The following NRXN1 variants were observed in gnomAD, a reference collection of about 807,000 sequenced individuals.
NRXN1 encodes neurexin-1.
A neutral mutation model predicts 150.9 loss-of-function variants in NRXN1; 39 were observed. The observed-to-expected ratio is 0.26, with a 90% CI of 0.20 to 0.34. The LOEUF (loss-of-function observed/expected upper bound fraction) is 0.34, where lower values mean the gene tolerates loss of function less well. Ranked by LOEUF, NRXN1 falls within the 10% of genes least tolerant of loss-of-function variation. The probability of loss-of-function intolerance (pLI) is 1.00; values close to 1 mark genes in which losing one functional copy is unlikely to be tolerated. For synonymous variants in NRXN1, 924 were observed against 757.0 expected (o/e 1.22, Z -3.62); for missense variants, 1,815 against 1,949.9 (o/e 0.93, Z 1.30).
At chr2:50,192,953 T>C (rs938552001) in intron 18 of NRXN1, among the ~76,000 whole-genome samples, 1 of 152,140 alleles carries the variant, frequency 6.6e-6, no homozygotes, top group Non-Finnish European at 1.5e-5. Context: ...AAATACATAT[T>C]TTTAAAGGGG....
rs186818379 is a variant in NRXN1 at position 50,297,266 on chromosome 2, T to C, written c.3365-60296A>G. ...ATATTTTTATTCAGTCACCTATTGA[T>C]GGACACTTAGGTTGATTATGTGGTT... is the stretch of plus-strand genomic sequence containing the variant. On this transcript the variant is annotated intron_variant, in intron 17 of 22. Coordinates refer to ENST00000401669, the MANE Select transcript of NRXN1 (RefSeq NM_001330078.2). 2.8e-4 allele frequency among the ~76,000 whole-genome samples: 42 copies of C among 152,294 alleles called. No homozygotes were observed. The South Asian group carries it at 2.9e-3, about 11-fold the overall frequency.
At chr2:49,991,326 A>G (rs1373208635) in intron 21 of NRXN1, among the ~76,000 whole-genome samples, 2 of 152,182 alleles carry the variant, frequency 1.3e-5, no homozygotes, top group African/African-American at 4.8e-5. Context: ...TGTATGCAGA[A>G]CATCTGAAAG....
At chr2:50,979,229 G>T (rs181784505) in intron 2 of NRXN1, 250 of 516,046 alleles carry the variant, frequency 4.8e-4, no homozygotes, top group African/African-American at 3.9e-3. Flanking sequence ...TATGAGAAAA[G>T]ACTAAGATTC....
intron 17 of NRXN1, among the ~76,000 whole-genome samples, chr2:50,286,517 AATATTC>A (rs1450940566): frequency 1.3e-5 from 2 of 152,172 alleles, no homozygotes; most frequent in Non-Finnish European, 2.9e-5. Flanking sequence ...CTTTTTAAAA[AATATTC>A]ATTCATCCAT....
At chr2:50,355,238 A>G (rs1465304471) in intron 17 of NRXN1, among the ~76,000 whole-genome samples, 1 of 147,520 alleles carries the variant, frequency 6.8e-6, no homozygotes, top group African/African-American at 2.5e-5. Flanking sequence ...TTCAGGATAT[A>G]TAAATTATAT....
At chr2:50,487,523 A>G (rs2104834569) in intron 15 of NRXN1, among the ~76,000 whole-genome samples, 1 of 152,340 alleles carries the variant, frequency 6.6e-6, no homozygotes, top group African/African-American at 2.4e-5. Context: ...TTAAAAATGC[A>G]CTTTCCTGTG....
At chr2:50,361,083 G>A (rs1051859595) in intron 17 of NRXN1, among the ~76,000 whole-genome samples, 9 of 152,084 alleles carry the variant, frequency 5.9e-5, no homozygotes, top group African/African-American at 1.4e-4. Context: ...AAGACACAGC[G>A]TACCAGCATC....
chr2:50,349,485 T>C (rs1461071522), intron 17 of NRXN1, among the ~76,000 whole-genome samples: 2 of 152,222 alleles, frequency 1.3e-5, no homozygotes, highest in Non-Finnish European at 2.9e-5. Flanking sequence ...TGCAGGTCCA[T>C]ATTCTGAATT....
intron 8 of NRXN1, among the ~76,000 whole-genome samples, chr2:50,596,698 G>A (rs926377882): frequency 2.0e-5 from 3 of 152,032 alleles, no homozygotes; most frequent in East Asian, 1.9e-4. Context: ...AGGTTTGCCC[G>A]TTCTCCCTTG....
chr2:49,931,915 G>A (rs1185203327), intron 22 of NRXN1, among the ~76,000 whole-genome samples: 1 of 151,938 alleles, frequency 6.6e-6, no homozygotes, highest in African/African-American at 2.4e-5. Context: ...TTTATATATA[G>A]ATAATTGAAT....
At chr2:49,962,046 T>C (rs569627820) in intron 21 of NRXN1, among the ~76,000 whole-genome samples, 12 of 151,910 alleles carry the variant, frequency 7.9e-5, no homozygotes, top group Non-Finnish European at 1.8e-4. Context: ...CTGGGCAACA[T>C]AGTGAGACCC....
At chr2:50,624,327 G>C (rs1417518458) in intron 5 of NRXN1, among the ~76,000 whole-genome samples, 1 of 152,106 alleles carries the variant, frequency 6.6e-6, no homozygotes, top group African/African-American at 2.4e-5. Context: ...ATCAGAGAAA[G>C]TAGTTCTGTG....
chr2:50,135,710 A>G (rs1279463500), intron 18 of NRXN1, among the ~76,000 whole-genome samples: 1 of 151,788 alleles, frequency 6.6e-6, no homozygotes. Context: ...AAAACGAAAA[A>G]CAAAACAAAA....
rs957503079 is a variant in NRXN1 at position 51,026,507 on chromosome 2, T to C, written c.772+995A>G. ...AAAGAGAACTTAGGTATGACTTTTG[T>C]AGTTTAATGCCACACTGTTTTAAGC... On this transcript the variant is annotated intron_variant, in intron 2 of 22. Coordinates refer to ENST00000401669, the MANE Select transcript of NRXN1 (RefSeq NM_001330078.2). 5 of 1,359,504 alleles carry C rather than the reference T, an allele frequency of 3.7e-6. No homozygotes were observed. In the African/African-American group the frequency reaches 5.7e-5, roughly 16 times the overall value. 84.2% of individuals were successfully genotyped at this position (1,359,504 alleles called of 1,614,324 possible).
At chr2:50,654,421 G>A (rs1358631849) in intron 5 of NRXN1, among the ~76,000 whole-genome samples, 1 of 151,760 alleles carries the variant, frequency 6.6e-6, no homozygotes, top group East Asian at 2.0e-4. Context: ...TCTTAATCTA[G>A]TCTATCATTG....
Position 49,972,845 on chromosome 2 carries a change from T to C in NRXN1, c.4129-29054A>G, listed in dbSNP as rs2152497488. On this transcript the variant is annotated intron_variant, in intron 21 of 22. Coordinates refer to ENST00000401669, the MANE Select transcript of NRXN1 (RefSeq NM_001330078.2). ...AAGAGAGGCCAGGCTTCCTTCACTA[T>C]TAAGCACACTCTTCCCTAAGGGCAC... 3 of 152,280 alleles carry C rather than the reference T, an allele frequency of 2.0e-5. No homozygotes were observed. The Middle Eastern group carries it at 0.01, about 514-fold the overall frequency. The allele number at this position is 152,280 out of a possible 1,614,324, so 9.4% of individuals were successfully genotyped here. A position where few individuals can be genotyped will look rare whatever the true frequency, so the allele number is the denominator to read the frequency against.
At chr2:51,006,703 G>C (rs932822146) in intron 2 of NRXN1, among the ~76,000 whole-genome samples, 1 of 151,916 alleles carries the variant, frequency 6.6e-6, no homozygotes, top group African/African-American at 2.4e-5. Flanking sequence ...TTTCCAGCCT[G>C]TTTAACCACT....
intron 5 of NRXN1, among the ~76,000 whole-genome samples, chr2:50,877,931 G>A (rs1678852873): frequency 6.6e-6 from 1 of 151,880 alleles, no homozygotes; most frequent in Non-Finnish European, 1.5e-5. Flanking sequence ...AACTGATTGT[G>A]ATCAACATAT....
intron 15 of NRXN1, among the ~76,000 whole-genome samples, chr2:50,492,989 A>G (rs1362183452): frequency 1.3e-5 from 2 of 152,220 alleles, no homozygotes; most frequent in African/African-American, 4.8e-5. Context: ...GATAGGATCC[A>G]GAAATATGAA....
Sources: gnomAD v4.1 joint callset for allele counts (sites outside exome capture counted in the v4.1 genomes callset) on GRCh38, gnomAD v4.1.1 for gene constraint, MANE v1.5 for transcripts, NCBI Gene and HGNC (gene_info 2026-07-23, HGNC 2026-07-21) for gene names.